The following ROBO1 variants were observed in gnomAD, a reference collection of about 807,000 sequenced individuals.
The protein encoded by ROBO1 is roundabout homolog 1.
A neutral mutation model predicts 195.9 loss-of-function variants in ROBO1; 149 were observed. That is an observed-to-expected ratio of 0.76 (90% CI 0.67 to 0.87). The LOEUF (loss-of-function observed/expected upper bound fraction) is 0.87, where lower values mean the gene tolerates loss of function less well. ROBO1 is among the 40% of genes least tolerant of loss of function. The pLI is 0.00. For synonymous variants in ROBO1, 816 were observed against 733.2 expected (o/e 1.11, Z -1.82); for missense variants, 1,933 against 2,068.3 (o/e 0.93, Z 1.27).
At chr3:79,259,659 C>T (rs2108936349) in intron 2 of ROBO1, among the ~76,000 whole-genome samples, 1 of 152,016 alleles carries the variant, frequency 6.6e-6, no homozygotes, top group Admixed American at 6.6e-5. Flanking sequence ...AAAATATTTG[C>T]AAACTACCCA....
intron 3 of ROBO1, among the ~76,000 whole-genome samples, chr3:78,964,317 G>C (rs1253845309): frequency 2.0e-5 from 3 of 152,050 alleles, no homozygotes; most frequent in African/African-American, 4.8e-5. Context: ...CATTTTGGGG[G>C]ACAAAATTCA....
intron 2 of ROBO1, among the ~76,000 whole-genome samples, chr3:79,399,931 C>T (rs2106775168): frequency 6.6e-6 from 1 of 152,194 alleles, no homozygotes; most frequent in East Asian, 1.9e-4. Flanking sequence ...TAAAGACTGA[C>T]ATTGCTGATT....
chr3:79,700,778 T>C (rs896017504), intron 1 of ROBO1, among the ~76,000 whole-genome samples: 2 of 151,886 alleles, frequency 1.3e-5, no homozygotes, highest in African/African-American at 4.8e-5. Context: ...TAGAGCTTTG[T>C]CAGATGCATA....
chr3:78,731,307 G>A (rs1052955990), intron 5 of ROBO1, among the ~76,000 whole-genome samples: 6 of 152,060 alleles, frequency 3.9e-5, no homozygotes, highest in African/African-American at 1.4e-4. Context: ...ACTTTGAGCT[G>A]AAAAATCAGA....
intron 2 of ROBO1, among the ~76,000 whole-genome samples, chr3:79,239,576 T>A (rs977530792): frequency 2.0e-5 from 3 of 152,212 alleles, no homozygotes; most frequent in African/African-American, 7.2e-5. Flanking sequence ...ACTGCCCACA[T>A]CTGCAAATGG....
In ROBO1 at chr3:79,581,609, A is replaced by C. The variant is rs114225300; in HGVS notation, c.88+8215T>G. Among the ~76,000 whole-genome samples, 246 of 152,284 alleles carry C rather than the reference A, an allele frequency of 1.6e-3. 1 individual carries two copies. Among genetic ancestry groups the C allele is most frequent in the African/African-American group, 4.2e-3 (175 of 41,572 alleles). ...AAGATCTCATCTTCAACTGATTGAT[A>C]GTCTCTAGAAAGCAACTAACATGCT... On this transcript the variant is annotated intron_variant, in intron 2 of 30. Transcript: ENST00000464233.
At chr3:78,611,568 C>T (rs770544221) in intron 28 of ROBO1, among the ~76,000 whole-genome samples, 5 of 152,182 alleles carry the variant, frequency 3.3e-5, no homozygotes, top group South Asian at 2.1e-4. Flanking sequence ...TCCTTTGCAT[C>T]GAGTTCTCCC....
intron 3 of ROBO1, among the ~76,000 whole-genome samples, chr3:78,948,532 T>C (rs1183495244): frequency 6.6e-6 from 1 of 152,150 alleles, no homozygotes; most frequent in African/African-American, 2.4e-5. Context: ...ATAAGAGTTA[T>C]CTATGACAAA....
intron 4 of ROBO1, among the ~76,000 whole-genome samples, chr3:78,898,640 C>T (rs567194180): frequency 3.3e-5 from 5 of 151,850 alleles, no homozygotes; most frequent in African/African-American, 7.2e-5. Flanking sequence ...CTGCCCACCT[C>T]GGCCTCCCAA....
chr3:78,939,534 C>T (rs189264721), intron 3 of ROBO1, among the ~76,000 whole-genome samples: 5,619 of 150,700 alleles, frequency 0.037, 176 homozygotes, highest in African/African-American at 0.093. Context: ...AGGAGAATGG[C>T]GTGAACCCGG....
intron 5 of ROBO1, among the ~76,000 whole-genome samples, chr3:78,746,137 C>T (rs1023999668): frequency 6.6e-6 from 1 of 152,106 alleles, no homozygotes; most frequent in Non-Finnish European, 1.5e-5. Context: ...TCACGGCTGT[C>T]AAGAAGAAAA....
chr3:78,729,724 T>TAA (rs2082244810), intron 5 of ROBO1, among the ~76,000 whole-genome samples: 3 of 152,170 alleles, frequency 2.0e-5, no homozygotes, highest in Non-Finnish European at 4.4e-5. Context: ...AAGGAGGCAA[T>TAA]ATAAAGAGTG....
chr3:78,845,902 C>T (rs2033634150), intron 4 of ROBO1, among the ~76,000 whole-genome samples: 1 of 152,154 alleles, frequency 6.6e-6, no homozygotes, highest in Non-Finnish European at 1.5e-5. Flanking sequence ...ATTCTTCAGA[C>T]TAATAAATTA....
chr3:79,349,076 G>C (rs372291573), intron 2 of ROBO1, among the ~76,000 whole-genome samples: 7 of 152,160 alleles, frequency 4.6e-5, no homozygotes, highest in African/African-American at 1.7e-4. Context: ...GAGGATGCTA[G>C]AGAAGGTAAC....
chr3:79,224,426 C>A (rs2082191469), intron 2 of ROBO1, among the ~76,000 whole-genome samples: 1 of 152,142 alleles, frequency 6.6e-6, no homozygotes, highest in Admixed American at 6.5e-5. Context: ...GGTAACAGCA[C>A]TGAGCTGTAT....
intron 10 of ROBO1, among the ~76,000 whole-genome samples, chr3:78,680,381 C>G (rs1415157365): frequency 6.6e-6 from 1 of 152,138 alleles, no homozygotes; most frequent in African/African-American, 2.4e-5. Context: ...AAACTACCAT[C>G]AGAGTGAACA....
chr3:79,455,212 C>G (rs80138054), intron 2 of ROBO1, among the ~76,000 whole-genome samples: 10,052 of 151,598 alleles, frequency 0.066, 560 homozygotes, highest in East Asian at 0.19. Context: ...CATTAGAACA[C>G]AAAAAGGAGG....
intron 2 of ROBO1, among the ~76,000 whole-genome samples, chr3:79,492,109 T>C (rs1271787038): frequency 6.6e-6 from 1 of 152,070 alleles, no homozygotes; most frequent in Non-Finnish European, 1.5e-5. Context: ...GACATTGAAT[T>C]AGGACGTAGT....
At chr3:78,773,622 T>C (rs1292287866) in intron 4 of ROBO1, among the ~76,000 whole-genome samples, 2 of 152,168 alleles carry the variant, frequency 1.3e-5, no homozygotes, top group Non-Finnish European at 2.9e-5. Flanking sequence ...TAATTTTTTA[T>C]TGATGTATTT....
Sources: allele counts gnomAD v4.1 joint callset (sites outside exome capture counted in the v4.1 genomes callset), GRCh38; gene constraint gnomAD v4.1.1; transcripts MANE v1.5; gene names NCBI Gene and HGNC (gene_info 2026-07-23, HGNC 2026-07-21).